Variants in EYS observed in about 807,000 individuals in gnomAD.
EYS encodes EGF-like photoreceptor maintenance factor.
In EYS, 250 loss-of-function variants were observed where a neutral mutation model predicts 282.1. That is an observed-to-expected ratio of 0.89 (90% CI 0.80 to 0.98). The LOEUF is 0.98. Among genes scored for constraint, EYS ranks in the 50% least tolerant of loss-of-function variants. EYS has a pLI of 0.00. For synonymous variants in EYS, 1,355 were observed against 1,282.9 expected, an observed-to-expected ratio of 1.06 and a Z score of -1.20; for missense variants, 4,016 against 3,709.0, an observed-to-expected ratio of 1.08 and a Z score of -2.15.
In EYS at chr6:64,326,315, G is replaced by A. The variant is rs149389338; in HGVS notation, c.6079-19233C>T. Among the ~76,000 whole-genome samples the A allele has an allele frequency of 6.8e-4, 104 of 152,026 alleles. 1 individual carries two copies. The highest frequency in any genetic ancestry group is 2.0e-3 in the African/African-American group (84 of 41,466). ...CCTCAAAGTTTATTACAGGCCCAGC[G>A]TAATAAACTGCTTACCTCCCTAGCA... On this transcript the variant is annotated intron_variant, in intron 29 of 42. Transcript: ENST00000503581.
At chr6:64,665,621 A>T (rs1769204266) in intron 22 of EYS, among the ~76,000 whole-genome samples, 1 of 152,236 alleles carries the variant, frequency 6.6e-6, no homozygotes, top group Non-Finnish European at 1.5e-5. Context: ...TAGACATTTA[A>T]AACAAATTTA....
At chr6:65,214,665 G>A (rs1157519702) in intron 12 of EYS, among the ~76,000 whole-genome samples, 1 of 152,194 alleles carries the variant, frequency 6.6e-6, no homozygotes, top group African/African-American at 2.4e-5. Flanking sequence ...AGACAAAAAA[G>A]CCTTATATTG....
intron 2 of EYS, among the ~76,000 whole-genome samples, chr6:65,631,790 G>A (rs534406044): frequency 3.3e-5 from 5 of 152,120 alleles, no homozygotes; most frequent in African/African-American, 4.8e-5. Flanking sequence ...ACTAGTAGGT[G>A]TTCCAGGAAC....
At chr6:65,249,708 C>A (rs549917159) in intron 12 of EYS, among the ~76,000 whole-genome samples, 1 of 151,892 alleles carries the variant, frequency 6.6e-6, no homozygotes, top group South Asian at 2.1e-4. Context: ...ACACTTTTTT[C>A]TTTGAATTTA....
At chr6:64,093,090 T>C (rs1175919106) in intron 31 of EYS, among the ~76,000 whole-genome samples, 1 of 152,152 alleles carries the variant, frequency 6.6e-6, no homozygotes, top group Non-Finnish European at 1.5e-5. Context: ...TTCTGAGGGC[T>C]GTGTTCTGTT....
chr6:64,477,975 C>T (rs1363077800), intron 26 of EYS, among the ~76,000 whole-genome samples: 1 of 151,940 alleles, frequency 6.6e-6, no homozygotes, highest in Non-Finnish European at 1.5e-5. Flanking sequence ...ATTTTTATTC[C>T]TGTCATTACC....
chr6:65,079,133 T>C (rs1010435848), intron 12 of EYS, among the ~76,000 whole-genome samples: 6 of 152,068 alleles, frequency 3.9e-5, no homozygotes, highest in African/African-American at 1.4e-4. Context: ...AAACATTAAT[T>C]GATTTGATTA....
intron 19 of EYS, among the ~76,000 whole-genome samples, chr6:64,823,674 G>A (rs980818291): frequency 1.3e-5 from 2 of 151,938 alleles, no homozygotes; most frequent in Admixed American, 1.3e-4. Flanking sequence ...CAAACCGATA[G>A]GCAGATCTCA....
rs112609906 is a variant in EYS, at chr6:65,495,077, C to T, written c.334G>A (p.Val112Ile). Residue 112 changes from valine (V) to isoleucine (I), a missense_variant, in exon 4 of 43, where the codon GTT (valine) becomes ATT (isoleucine). Coordinates refer to ENST00000503581, the MANE Select transcript of EYS (RefSeq NM_001142800.2). The part of the protein sequence containing the change: ...NLMNVSETSF[V>I]GCVQNTTTED... ...GTTGTGGTATTTTGCACACAGCCAA[C>T]GAAAGATGTTTCAGAAACATTCATC... 8,655 of 1,614,100 alleles carry T rather than the reference C, an allele frequency of 5.4e-3. 165 individuals are homozygous for T. The highest frequency in any genetic ancestry group is 0.034 in the South Asian group (3,094 of 91,088).
intron 31 of EYS, among the ~76,000 whole-genome samples, chr6:64,223,105 C>T (rs1054025511): frequency 2.0e-5 from 3 of 151,830 alleles, no homozygotes; most frequent in East Asian, 1.9e-4. Flanking sequence ...TTTAAAAAGG[C>T]CTTTCTCCAC....
At chr6:63,983,530 T>C (rs975409642) in intron 35 of EYS, among the ~76,000 whole-genome samples, 5 of 151,794 alleles carry the variant, frequency 3.3e-5, no homozygotes, top group African/African-American at 7.2e-5. Context: ...AAAATTTCTC[T>C]CTTTTCTACA....
chr6:64,007,174 A>G (rs1381112327), intron 33 of EYS, among the ~76,000 whole-genome samples: 1 of 152,048 alleles, frequency 6.6e-6, no homozygotes, highest in East Asian at 1.9e-4. Context: ...CAACTTTGAA[A>G]CACATTATTG....
intron 24 of EYS, among the ~76,000 whole-genome samples, chr6:64,596,059 A>G (rs932198003): frequency 6.6e-6 from 1 of 152,084 alleles, no homozygotes. Context: ...AAGCAGGAGC[A>G]ACAAAGAGAG....
chr6:64,493,018 A>G (rs1776784276), intron 26 of EYS, among the ~76,000 whole-genome samples: 1 of 151,450 alleles, frequency 6.6e-6, no homozygotes, highest in African/African-American at 2.4e-5. Flanking sequence ...ACTAGAATAG[A>G]ACACCTGGAG....
intron 1 of EYS, among the ~76,000 whole-genome samples, chr6:65,672,841 A>T (rs1213470692): frequency 6.6e-6 from 1 of 152,140 alleles, no homozygotes; most frequent in Admixed American, 6.6e-5. Context: ...ACCTGGGTGC[A>T]GGCGGGCTGA....
At chr6:64,881,393 A>G (rs148201622) in intron 19 of EYS, among the ~76,000 whole-genome samples, 3 of 152,012 alleles carry the variant, frequency 2.0e-5, no homozygotes, top group Admixed American at 6.6e-5. Context: ...CATCTGTGGG[A>G]AAATTCAACT....
intron 31 of EYS, among the ~76,000 whole-genome samples, chr6:64,137,901 AAAAAAC>A (rs751229483): frequency 1.5e-4 from 23 of 152,310 alleles, no homozygotes; most frequent in Non-Finnish European, 2.2e-4. Context: ...CTTACTTTGT[AAAAAAC>A]AAAAACAAAA....
At chr6:64,766,381 C>T (rs1324250154) in intron 22 of EYS, among the ~76,000 whole-genome samples, 1 of 150,030 alleles carries the variant, frequency 6.7e-6, no homozygotes, top group Non-Finnish European at 1.5e-5. Flanking sequence ...CGCCTGTAAT[C>T]CCAGCACTTT....
intron 12 of EYS, among the ~76,000 whole-genome samples, chr6:65,132,612 G>A (rs899364411): frequency 6.6e-6 from 1 of 151,926 alleles, no homozygotes; most frequent in African/African-American, 2.4e-5. Flanking sequence ...CATACTAAAT[G>A]GACAAAAGCT....
Sources: gnomAD v4.1 joint callset for allele counts (sites outside exome capture counted in the v4.1 genomes callset) on GRCh38, gnomAD v4.1.1 for gene constraint, MANE v1.5 for transcripts, NCBI Gene and HGNC (gene_info 2026-07-23, HGNC 2026-07-21) for gene names.